The following LMX1B variants were observed in gnomAD, a reference collection of about 807,000 sequenced individuals.
The protein encoded by LMX1B is LIM homeobox transcription factor 1-beta.
Under a neutral mutation model 51.4 loss-of-function variants are expected in LMX1B, and 12 were observed. The observed-to-expected ratio is 0.23, with a 90% confidence interval of 0.15 to 0.38. The LOEUF (loss-of-function observed/expected upper bound fraction) is 0.38. LMX1B is among the 10% of genes least tolerant of loss of function. The pLI is 1.00. For synonymous variants in LMX1B, 237 were observed against 235.4 expected (o/e 1.01, Z -0.06); for missense variants, 445 against 571.1 (o/e 0.78, Z 2.25).
chr9:126,620,997 C>T (rs1485490021), intron 2 of LMX1B, among the ~76,000 whole-genome samples: 1 of 152,188 alleles, frequency 6.6e-6, no homozygotes, highest in Non-Finnish European at 1.5e-5. Context: ...CAGAAGGCCC[C>T]TCCAGCTCGG....
In LMX1B at chr9:126,696,016, A is replaced by ACGGGGGC; in HGVS notation, c.1051+14_1051+15insGGGGGCC. On this transcript the variant is annotated intron_variant, in intron 7 of 7. Coordinates refer to ENST00000373474, the MANE Select transcript of LMX1B (RefSeq NM_001174147.2). Reference sequence around the variant, plus strand: ...ATGAACCCCTATGGTAAGCCGCCCTACCCCCACCCGCCCGCCCCAGCACAG... The same window carrying ACGGGGGC: ...ATGAACCCCTATGGTAAGCCGCCCTACGGGGGCCCCCCACCCGCCCGCCCCAGCACAG... 5 of 1,512,642 alleles carry ACGGGGGC rather than the reference A, an allele frequency of 3.3e-6. No homozygotes were observed. The highest frequency in any genetic ancestry group is 2.7e-6 in the Non-Finnish European group (3 of 1,131,746). The allele number at this position is 1,512,642 out of a possible 1,614,324, so 93.7% of individuals were successfully genotyped here.
At chr9:126,628,862 T>C (rs1294044786) in intron 2 of LMX1B, among the ~76,000 whole-genome samples, 1 of 150,428 alleles carries the variant, frequency 6.6e-6, no homozygotes, top group Non-Finnish European at 1.5e-5. Flanking sequence ...GGGAGGGGGG[T>C]GTGGGAGGAA....
At chr9:126,694,633 G>A (rs886813464) in intron 6 of LMX1B, among the ~76,000 whole-genome samples, 2 of 152,216 alleles carry the variant, frequency 1.3e-5, no homozygotes, top group Non-Finnish European at 2.9e-5. Context: ...CTGGTGAGAG[G>A]GAGGCTTCTG....
At chr9:126,643,062 C>T (rs1835836626) in intron 2 of LMX1B, among the ~76,000 whole-genome samples, 2 of 152,228 alleles carry the variant, frequency 1.3e-5, no homozygotes. Flanking sequence ...GGCAGGGGCA[C>T]AGCTTGCTGG....
chr9:126,682,042 A>G (rs1588299721), intron 2 of LMX1B, among the ~76,000 whole-genome samples: 1 of 118,470 alleles, frequency 8.4e-6, no homozygotes, highest in African/African-American at 3.4e-5. Flanking sequence ...CATCTGCTCC[A>G]GCCACACCCC....
intron 2 of LMX1B, among the ~76,000 whole-genome samples, chr9:126,633,828 C>A (rs1177463579): frequency 6.6e-6 from 1 of 152,210 alleles, no homozygotes; most frequent in African/African-American, 2.4e-5. Flanking sequence ...TTTCATTCAA[C>A]CGTAAGCCTC....
At chr9:126,654,746 G>A (rs1836080501) in intron 2 of LMX1B, among the ~76,000 whole-genome samples, 1 of 152,238 alleles carries the variant, frequency 6.6e-6, no homozygotes, top group African/African-American at 2.4e-5. Context: ...CTCTGAGCAT[G>A]CCACGGAGAG....
chr9:126,666,363 G>A (rs887077064), intron 2 of LMX1B, among the ~76,000 whole-genome samples: 4 of 152,338 alleles, frequency 2.6e-5, no homozygotes, highest in East Asian at 3.9e-4. Context: ...TTGAGGCCAC[G>A]GACCTCAGAG....
chr9:126,628,975 T>G (rs1835583716), intron 2 of LMX1B, among the ~76,000 whole-genome samples: 1 of 127,538 alleles, frequency 7.8e-6, no homozygotes, highest in African/African-American at 2.8e-5. Flanking sequence ...TTACGCTTGA[T>G]GGTGTCTTCA....
rs1262273936 is a variant in LMX1B at position 126,618,716 on chromosome 9, C to A, written c.326+3147C>A. Among the ~76,000 whole-genome samples the A allele has an allele frequency of 6.6e-6, 1 of 152,282 alleles. No individual in the cohort carries two copies. The highest frequency in any genetic ancestry group is 1.9e-4 in the East Asian group (1 of 5,176). On this transcript the variant is annotated intron_variant, in intron 2 of 7. Coordinates refer to ENST00000373474, the MANE Select transcript of LMX1B (RefSeq NM_001174147.2). The surrounding 1 kb of genome is among the most constrained non-coding windows in gnomAD (Gnocchi z 4.5). ...TGGCCGAATAGAATTATGTAACTCT[C>A]TTTTCTTGCCGTCTGTCGCTCGTCT... is the stretch of plus-strand genomic sequence containing the variant.
rs1195493890 is a variant in LMX1B, at chr9:126,682,913, AAAG to A, written c.327-7920_327-7918del. Among the ~76,000 whole-genome samples, 15 of 145,654 alleles carry A rather than the reference AAAG, an allele frequency of 1.0e-4. No individual in the cohort carries two copies. In the East Asian group the frequency reaches 1.8e-3, roughly 17 times the overall value. On this transcript the variant is annotated intron_variant, in intron 2 of 7. Transcript: ENST00000373474. The stretch of plus-strand genomic sequence containing the variant: ...CTGTCTGAAAAAAAAAAAAAAAAAA[AAAG>A]AAAGAAAGAAATATTTGTGGAATCG...
In LMX1B at chr9:126,699,572, G is replaced by C. The variant is rs1187950626; in HGVS notation, c.*3121G>C. The C allele has an allele frequency of 6.6e-6, 1 of 152,640 alleles. No individual in the cohort carries two copies. The highest frequency in any genetic ancestry group is 1.9e-4 in the East Asian group (1 of 5,196). The allele number at this position is 152,640 out of a possible 1,614,324, so 9.5% of individuals were successfully genotyped here. A position where few individuals can be genotyped will look rare whatever the true frequency, so the allele number is the denominator to read the frequency against. On this transcript the variant is annotated 3_prime_UTR_variant, in exon 8 of 8. Coordinates refer to ENST00000373474, the MANE Select transcript of LMX1B (RefSeq NM_001174147.2). ...CTATGCTGTGCCTTGCTGCCCACAG[G>C]CTCCCAGACACCAGTGCCCACTCTG...
At position 126,694,933 on chromosome 9, in the gene LMX1B, G is replaced by T. The variant is rs116219297; in HGVS notation, c.887-906G>T. Among the ~76,000 whole-genome samples, 715 of 152,008 alleles carry T rather than the reference G, an allele frequency of 4.7e-3. 11 individuals carry two copies. Among genetic ancestry groups the T allele is most frequent in the African/African-American group, 0.016 (683 of 41,436 alleles). ...GCCGTATGCTCCATCCTGCCCACAC[G>T]CACATGGCATGCCCTGCTCCTCCCC... On this transcript the variant is annotated intron_variant, in intron 6 of 7. Coordinates refer to ENST00000373474, the MANE Select transcript of LMX1B (RefSeq NM_001174147.2).
chr9:126,635,797 C>T (rs1835704645), intron 2 of LMX1B, among the ~76,000 whole-genome samples: 1 of 152,188 alleles, frequency 6.6e-6, no homozygotes, highest in Non-Finnish European at 1.5e-5. Flanking sequence ...GACTAAGTAG[C>T]ACCAAGGACT....
chr9:126,623,096 G>A (rs567611025), intron 2 of LMX1B, among the ~76,000 whole-genome samples: 53 of 152,378 alleles, frequency 3.5e-4, no homozygotes, highest in African/African-American at 9.1e-4. Context: ...TGTCCTGCGT[G>A]GGAGGCCCAG....
chr9:126,680,400 G>A (rs1836650867), intron 2 of LMX1B, among the ~76,000 whole-genome samples: 1 of 152,240 alleles, frequency 6.6e-6, no homozygotes, highest in African/African-American at 2.4e-5. Flanking sequence ...TTCCTCTCTA[G>A]CAAAGAGAGT....
intron 2 of LMX1B, among the ~76,000 whole-genome samples, chr9:126,653,688 C>T (rs911428736): frequency 8.5e-5 from 13 of 152,106 alleles, no homozygotes; most frequent in Admixed American, 7.2e-4. Flanking sequence ...CGAACGTTCC[C>T]GGATCTGCCC....
chr9:126,688,571 T>C lies in LMX1B; in HGVS notation c.327-2265T>C, dbSNP rs929589114. On this transcript the variant is annotated intron_variant, in intron 2 of 7. Coordinates refer to ENST00000373474, the MANE Select transcript of LMX1B (RefSeq NM_001174147.2). ...CACCCTCCATGTCAGAGCACCGGGT[T>C]CTACAAACCCAGGCTCCTTCCTCAG... Among the ~76,000 whole-genome samples, 3 of 152,178 alleles carry C rather than the reference T, an allele frequency of 2.0e-5. No individual in the cohort carries two copies. The East Asian group carries it at 5.8e-4, about 29-fold the overall frequency.
At chr9:126,693,869 G>A (rs768865907) in intron 6 of LMX1B, 57 bp downstream of exon 6, 10 of 835,116 alleles carry the variant, frequency 1.2e-5, no homozygotes, top group Non-Finnish European at 1.8e-5. Flanking sequence ...GGGGCCAGGG[G>A]TGGGCCTAGG....
Sources: gnomAD v4.1 joint callset for allele counts (sites outside exome capture counted in the v4.1 genomes callset) on GRCh38, gnomAD v4.1.1 for gene constraint, Gnocchi (gnomAD v3.1) non-coding constraint, MANE v1.5 for transcripts, NCBI Gene and HGNC (gene_info 2026-07-23, HGNC 2026-07-21) for gene names.